The following PHF20 variants were observed in gnomAD, a reference collection of about 807,000 sequenced individuals.
The protein encoded by PHF20 is glioma-expressed antigen 2.
A neutral mutation model predicts 113.5 loss-of-function variants in PHF20; 23 were observed. The ratio of observed to expected loss-of-function variants is 0.20; its 90% CI spans 0.15 to 0.29. The LOEUF is 0.29. PHF20 is among the 10% of genes least tolerant of loss of function. PHF20 has a pLI of 1.00. For missense variants in PHF20, 943 were observed against 1,219.6 expected (o/e 0.77, Z 3.38); for synonymous variants, 434 against 457.3 (o/e 0.95, Z 0.65).
intron 1 of PHF20, among the ~76,000 whole-genome samples, chr20:35,792,419 A>C (rs977561061): frequency 1.3e-5 from 2 of 151,208 alleles, no homozygotes; most frequent in Non-Finnish European, 3.0e-5. Context: ...AAACTACTGA[A>C]CTCTGGTGAT....
At chr20:35,875,850 T>C (rs1366759295) in intron 9 of PHF20, among the ~76,000 whole-genome samples, 2 of 152,232 alleles carry the variant, frequency 1.3e-5, no homozygotes, top group Non-Finnish European at 1.5e-5. Context: ...GATTAGAAGC[T>C]AACTCCAGTG....
chr20:35,797,908 C>A (rs2041699974), intron 1 of PHF20, among the ~76,000 whole-genome samples: 1 of 152,030 alleles, frequency 6.6e-6, no homozygotes, highest in Non-Finnish European at 1.5e-5. Flanking sequence ...CCTCGACCTC[C>A]CAAAGTGCTG....
intron 2 of PHF20, among the ~76,000 whole-genome samples, chr20:35,839,234 C>CA (rs1171256869): frequency 6.6e-6 from 1 of 151,132 alleles, no homozygotes; most frequent in South Asian, 2.1e-4. Flanking sequence ...ACTAAAAATA[C>CA]AAAAAAATTA....
chr20:35,890,199 T>C (rs2054823058), intron 9 of PHF20, among the ~76,000 whole-genome samples: 1 of 151,812 alleles, frequency 6.6e-6, no homozygotes, highest in Non-Finnish European at 1.5e-5. Context: ...ATCTACTTTT[T>C]GTATTTTTTC....
At chr20:35,774,568 T>G (rs1015270046) in intron 1 of PHF20, 9 of 152,264 alleles carry the variant, frequency 5.9e-5, no homozygotes, top group African/African-American at 2.2e-4. Flanking sequence ...TTGGGGATAA[T>G]GATACCTCTG....
At chr20:35,932,760 C>T (rs2055786013) in intron 15 of PHF20, among the ~76,000 whole-genome samples, 1 of 152,126 alleles carries the variant, frequency 6.6e-6, no homozygotes, top group South Asian at 2.1e-4. Flanking sequence ...GTGTACAGCT[C>T]TGCACAGTTG....
intron 14 of PHF20, chr20:35,928,439 C>CAAAAA (rs11307574): frequency 6.9e-5 from 4 of 57,752 alleles, no homozygotes; most frequent in East Asian, 6.6e-4. Flanking sequence ...AACTTCGTCT[C>CAAAAA]AAAAAAAAAA....
intron 15 of PHF20, among the ~76,000 whole-genome samples, chr20:35,937,518 G>T (rs1204770715): frequency 1.3e-5 from 2 of 152,016 alleles, no homozygotes; most frequent in Non-Finnish European, 2.9e-5. Context: ...TAAAATAAGG[G>T]GTTGTGGAGA....
chr20:35,809,520 A>C (rs2041940803), intron 2 of PHF20, among the ~76,000 whole-genome samples: 1 of 151,450 alleles, frequency 6.6e-6, no homozygotes, highest in African/African-American at 2.4e-5. Context: ...CAGAGGTTGC[A>C]GTGAGCTGAG....
At chr20:35,872,064 T>C (rs1006027699) in intron 9 of PHF20, among the ~76,000 whole-genome samples, 3 of 152,176 alleles carry the variant, frequency 2.0e-5, no homozygotes, top group African/African-American at 4.8e-5. Context: ...TTTACTTCAA[T>C]TTTCTCTATT....
chr20:35,900,333 C>A (rs540905472), intron 10 of PHF20, among the ~76,000 whole-genome samples: 49 of 152,260 alleles, frequency 3.2e-4, no homozygotes, highest in African/African-American at 1.2e-3. Flanking sequence ...CTACCTACTT[C>A]TTGGCTTAGA....
chr20:35,803,042 A>G (rs1198867740), intron 2 of PHF20, among the ~76,000 whole-genome samples: 1 of 151,200 alleles, frequency 6.6e-6, no homozygotes, highest in Non-Finnish European at 1.5e-5. Context: ...TCACGAGGTC[A>G]GGAGTTCAAG....
At chr20:35,845,137 G>A (rs190874489) in intron 3 of PHF20, among the ~76,000 whole-genome samples, 119 of 149,992 alleles carry the variant, frequency 7.9e-4, no homozygotes, top group African/African-American at 2.8e-3. Context: ...AAATCATACT[G>A]TATGTAACAT....
At chr20:35,878,375 C>T (rs1315800767) in intron 9 of PHF20, 6 of 390,100 alleles carry the variant, frequency 1.5e-5, no homozygotes, top group Non-Finnish European at 2.7e-5. Flanking sequence ...AAAATGTGTG[C>T]CTGCTACATA....
At chr20:35,883,107 G>A (rs997259681) in intron 9 of PHF20, among the ~76,000 whole-genome samples, 13 of 151,644 alleles carry the variant, frequency 8.6e-5, no homozygotes, top group Non-Finnish European at 1.9e-4. Context: ...CCAGCTACTC[G>A]GGAGGCTGAC....
At chr20:35,783,029 A>T (rs777696099) in intron 1 of PHF20, among the ~76,000 whole-genome samples, 11 of 151,974 alleles carry the variant, frequency 7.2e-5, no homozygotes, top group Non-Finnish European at 1.0e-4. Flanking sequence ...CCTCATCTCT[A>T]TAACACAGAA....
At chr20:35,789,579 C>A (rs1220501682) in intron 1 of PHF20, among the ~76,000 whole-genome samples, 1 of 152,018 alleles carries the variant, frequency 6.6e-6, no homozygotes, top group Non-Finnish European at 1.5e-5. Flanking sequence ...CGCAGTCTTG[C>A]TCTGTCTTCC....
At chr20:35,794,533 T>C (rs1252661881) in intron 1 of PHF20, among the ~76,000 whole-genome samples, 2 of 152,098 alleles carry the variant, frequency 1.3e-5, no homozygotes, top group African/African-American at 4.8e-5. Flanking sequence ...TTGTATTGAG[T>C]TAAAAGGCAC....
At chr20:35,792,627 G>A (rs2041580231) in intron 1 of PHF20, among the ~76,000 whole-genome samples, 1 of 152,062 alleles carries the variant, frequency 6.6e-6, no homozygotes, top group Non-Finnish European at 1.5e-5. Flanking sequence ...TGTGACCTGG[G>A]AAGAGGTCCT....
Sources: gnomAD v4.1 joint callset for allele counts (sites outside exome capture counted in the v4.1 genomes callset) on GRCh38, gnomAD v4.1.1 for gene constraint, MANE v1.5 for transcripts, NCBI Gene and HGNC (gene_info 2026-07-23, HGNC 2026-07-21) for gene names.